The following PTCD3 variants were observed in gnomAD, a reference collection of about 807,000 sequenced individuals.
PTCD3 encodes pentatricopeptide repeat domain 3.
A neutral mutation model predicts 101.9 loss-of-function variants in PTCD3; 89 were observed. The observed-to-expected ratio is 0.87, with a 90% CI of 0.74 to 1.04. The LOEUF (loss-of-function observed/expected upper bound fraction) is 1.04. Among genes scored for constraint, PTCD3 ranks in the 50% least tolerant of loss-of-function variants. The pLI is 0.00. For synonymous variants in PTCD3, 296 were observed against 278.5 expected (o/e 1.06, Z -0.63); for missense variants, 870 against 828.2 (o/e 1.05, Z -0.62).
At chr2:86,135,991 C>A (rs756946559) in intron 21 of PTCD3, 4 of 519,034 alleles carry the variant, frequency 7.7e-6, no homozygotes, top group Non-Finnish European at 1.5e-5. Flanking sequence ...GAGACTGTTG[C>A]CTCAATCTGA....
chr2:86,141,769 G>C lies in PTCD3; in HGVS notation c.*4210G>C, dbSNP rs1423344999. The C allele has an allele frequency of 6.6e-6, 1 of 152,172 alleles. No homozygotes were observed. Among genetic ancestry groups the C allele is most frequent in the Non-Finnish European group, 1.5e-5 (1 of 68,042 alleles). 9.4% of individuals were successfully genotyped at this position (152,172 alleles called of 1,614,324 possible). ...TTGGCTTTTTATGATTTTTGCTGTG[G>C]AAATGGCAGTCGTGTGACTTTTCAC... On this transcript the variant is annotated 3_prime_UTR_variant, in exon 24 of 24. Coordinates refer to ENST00000254630, the MANE Select transcript of PTCD3 (RefSeq NM_017952.6).
At position 86,136,570 on chromosome 2, in the gene PTCD3, G is replaced by T; in HGVS notation, c.1820+8G>T. 1 of 1,610,976 alleles carries T rather than the reference G, an allele frequency of 6.2e-7. No homozygotes were observed. The highest frequency in any genetic ancestry group is 1.1e-5 in the South Asian group (1 of 91,022). ...GCATAATAAGATTCCTAGGTAAGTTGAAATCAGCCAGCTCTCTTTGGGTAC... is the reference window on the plus strand; with the variant it reads ...GCATAATAAGATTCCTAGGTAAGTTTAAATCAGCCAGCTCTCTTTGGGTAC... On this transcript the variant is annotated splice_region_variant and intron_variant, in intron 22 of 23. Transcript: ENST00000254630.
chr2:86,120,093 C>T (rs749638501), intron 7 of PTCD3, among the ~76,000 whole-genome samples: 19 of 152,196 alleles, frequency 1.2e-4, no homozygotes, highest in Non-Finnish European at 1.9e-4. Flanking sequence ...TGGCTTGGTA[C>T]AGCATCAGAT....
intron 4 of PTCD3, among the ~76,000 whole-genome samples, chr2:86,116,039 T>G (rs557164535): frequency 5.3e-5 from 8 of 152,320 alleles, no homozygotes; most frequent in African/African-American, 1.7e-4. Context: ...GAGGGAGGCT[T>G]AAGCCATTGC....
chr2:86,115,919 A>G (rs1246969623), intron 4 of PTCD3, among the ~76,000 whole-genome samples: 2 of 152,144 alleles, frequency 1.3e-5, no homozygotes, highest in Non-Finnish European at 2.9e-5. Context: ...TTTGGAGGAA[A>G]TCCTATTCTG....
chr2:86,136,463 G>A (rs769923859), intron 21 of PTCD3, 58 bp from the exon 22 acceptor site: 128 of 1,481,336 alleles, frequency 8.6e-5, no homozygotes, highest in Non-Finnish European at 1.1e-4. Flanking sequence ...GACAGCTATA[G>A]TGTCTGATTG....
At chr2:86,125,615 A>T (rs1674368901) in intron 11 of PTCD3, 100 bp downstream of exon 11, 3 of 1,279,116 alleles carry the variant, frequency 2.3e-6, no homozygotes, top group Non-Finnish European at 3.4e-6. Flanking sequence ...CCTACACTTT[A>T]CCTTTTCCTG....
intron 9 of PTCD3, 57 bp from the exon 10 acceptor site, chr2:86,124,938 G>A (rs1037693463): frequency 6.9e-6 from 11 of 1,596,956 alleles, no homozygotes; most frequent in Non-Finnish European, 9.4e-6. Context: ...GTAAATGGTG[G>A]TAGCTCTCAT....
intron 12 of PTCD3, 39 bp from the exon 13 acceptor site, chr2:86,127,122 C>T (rs368070452): frequency 3.5e-5 from 54 of 1,564,248 alleles, no homozygotes; most frequent in Admixed American, 1.9e-5. Flanking sequence ...GACAGATTAC[C>T]CAGGCATGAA....
Position 86,116,765 on chromosome 2 carries a change from A to G in PTCD3, c.309+167A>G, listed in dbSNP as rs188702901. On this transcript the variant is annotated intron_variant, in intron 5 of 23. Transcript: ENST00000254630. ...CTTCAAAAAGATGTACATATCGTCA[A>G]TGGGGAAAGGATTTTTGGTTTTGGT... is the stretch of plus-strand genomic sequence containing the variant. Among the ~76,000 whole-genome samples, 4 of 152,338 alleles carry G rather than the reference A, an allele frequency of 2.6e-5. No individual in the cohort carries two copies. The East Asian group carries it at 5.8e-4, about 22-fold the overall frequency.
At position 86,136,873 on chromosome 2, in the gene PTCD3, C is replaced by T. The variant is rs900432152; in HGVS notation, c.1821-109C>T. 1.4e-5 allele frequency: 19 copies of T among 1,367,652 alleles called. No individual in the cohort carries two copies. In the African/African-American group the frequency reaches 2.6e-4, roughly 19 times the overall value. The allele number at this position is 1,367,652 out of a possible 1,614,324, so 84.7% of individuals were successfully genotyped here. ...AATAAATGTTAGACTTCATCTTTGT[C>T]TCCAGAAATACTGTTGGGAATTCTG... On this transcript the variant is annotated intron_variant, in intron 22 of 23. Coordinates refer to ENST00000254630, the MANE Select transcript of PTCD3 (RefSeq NM_017952.6).
rs755938919 is a variant in PTCD3 at position 86,121,558 on chromosome 2, T to C, written c.618T>C (p.Asp206=). 1.2e-6 allele frequency: 2 copies of C among 1,611,006 alleles called. No individual in the cohort carries two copies. The highest frequency in any genetic ancestry group is 3.4e-5 in the Admixed American group (2 of 59,618). ...ATGGTGACCAGGAGCCCTCAACTGA[T>C]TACCATTTTCAACAAACTGGACAGT... ...CYYGDQEPST[D]YHFQQTGQSE... is the part of the protein sequence containing the mutation. The change falls in exon 8 of 24, where the codon GAT becomes GAC. Residue 206 remains aspartate, a synonymous_variant. Transcript: ENST00000254630.
chr2:86,114,978 C>G (rs546622881), intron 4 of PTCD3, among the ~76,000 whole-genome samples: 1 of 152,288 alleles, frequency 6.6e-6, no homozygotes, highest in Admixed American at 6.5e-5. Flanking sequence ...ACCCAGTGCC[C>G]AGAGTTTTTA....
intron 8 of PTCD3, among the ~76,000 whole-genome samples, chr2:86,122,000 C>T (rs894339298): frequency 6.6e-6 from 1 of 152,110 alleles, no homozygotes; most frequent in Non-Finnish European, 1.5e-5. Context: ...TGCCGGGGCC[C>T]GCCTGTAAGT....
chr2:86,135,076 G>T, intron 21 of PTCD3, 89 bp downstream of exon 21: 1 of 1,434,912 alleles, frequency 7.0e-7, no homozygotes, highest in Non-Finnish European at 9.4e-7. Flanking sequence ...TCTTTCATTT[G>T]GCCACATAAC....
In PTCD3 at chr2:86,120,170, C is replaced by A. The variant is rs17026949; in HGVS notation, c.538+1126C>A. On this transcript the variant is annotated intron_variant, in intron 7 of 23. Coordinates refer to ENST00000254630, the MANE Select transcript of PTCD3 (RefSeq NM_017952.6). ...GCTTCCCTCTGCTTGTTAATATGAT[C>A]GGCATCTGGTGTGAGTCTGCATTGA... is the stretch of plus-strand genomic sequence containing the variant. 6.8e-3 allele frequency among the ~76,000 whole-genome samples: 1,033 copies of A among 152,214 alleles called. 14 individuals carry two copies. Among genetic ancestry groups the A allele is most frequent in the African/African-American group, 0.023 (957 of 41,512 alleles).
At chr2:86,107,131 A>G (rs1175144656) in intron 1 of PTCD3, 4 of 471,224 alleles carry the variant, frequency 8.5e-6, no homozygotes, top group African/African-American at 2.0e-5. Flanking sequence ...CCCTCAAGAA[A>G]GAGAAACCAC....
chr2:86,110,879 T>C (rs1674065347), intron 3 of PTCD3: 1 of 725,270 alleles, frequency 1.4e-6, no homozygotes, highest in African/African-American at 1.8e-5. Flanking sequence ...CCCTGGGTTA[T>C]GGCATTATGC....
intron 4 of PTCD3, chr2:86,111,924 A>G (rs1231133271): frequency 1.3e-5 from 2 of 151,852 alleles, no homozygotes; most frequent in Non-Finnish European, 2.9e-5. Flanking sequence ...TTGTATTTTA[A>G]GTAGAGACGG....
Sources: allele counts gnomAD v4.1 joint callset (sites outside exome capture counted in the v4.1 genomes callset), GRCh38; gene constraint gnomAD v4.1.1; transcripts MANE v1.5; gene names NCBI Gene and HGNC (gene_info 2026-07-23, HGNC 2026-07-21).